Variants in CNBD1 observed in about 807,000 individuals in gnomAD.
The protein encoded by CNBD1 is cyclic nucleotide binding domain containing 1.
A neutral mutation model predicts 54.4 loss-of-function variants in CNBD1; 71 were observed. The observed-to-expected ratio is 1.30, with a 90% confidence interval of 1.08 to 1.59. The LOEUF (loss-of-function observed/expected upper bound fraction) is 1.59. Among genes scored for constraint, CNBD1 ranks in the 40% most tolerant of loss-of-function variants. The pLI is 0.00. For synonymous variants in CNBD1, 182 were observed against 170.7 expected (o/e 1.07, Z -0.51); for missense variants, 659 against 518.0 (o/e 1.27, Z -2.64).
Position 87,307,461 on chromosome 8 carries a change from C to T in CNBD1, c.1042+20790C>T, listed in dbSNP as rs140416017. On this transcript the variant is annotated intron_variant, in intron 8 of 10. Transcript: ENST00000518476. ...AGTGATCAGAACTTAGCAAGGGCTG[C>T]GTGCACTGGCTCATGCCTGTAATCC... is the stretch of plus-strand genomic sequence containing the variant. Among the ~76,000 whole-genome samples the T allele has an allele frequency of 1.4e-4, 21 of 152,246 alleles. No homozygotes were observed. The East Asian group carries it at 2.7e-3, about 20-fold the overall frequency.
chr8:87,285,013 A>G lies in CNBD1; in HGVS notation c.909+198A>G, dbSNP rs147634400. Among the ~76,000 whole-genome samples the G allele has an allele frequency of 1.3e-3, 195 of 152,242 alleles. 3 individuals carry two copies. Among genetic ancestry groups the G allele is most frequent in the African/African-American group, 4.3e-3 (177 of 41,554 alleles). On this transcript the variant is annotated intron_variant, in intron 7 of 10. Coordinates refer to ENST00000518476, the MANE Select transcript of CNBD1 (RefSeq NM_173538.3). ...AGGTGAGGTGTAAACAAAGGTCTCA[A>G]TGAATATATTTCAGGTAATTTTTAA...
At chr8:87,249,984 C>G (rs1490699072) in intron 6 of CNBD1, among the ~76,000 whole-genome samples, 4 of 152,092 alleles carry the variant, frequency 2.6e-5, no homozygotes, top group African/African-American at 9.7e-5. Context: ...GGGATCACAT[C>G]AAGCTAAAAA....
At chr8:86,937,570 T>G (rs1809571544) in intron 3 of CNBD1, among the ~76,000 whole-genome samples, 1 of 152,188 alleles carries the variant, frequency 6.6e-6, no homozygotes, top group African/African-American at 2.4e-5. Context: ...ACCTCAATTT[T>G]TGACTTCTGT....
chr8:86,941,524 C>A (rs1179266927), intron 4 of CNBD1, among the ~76,000 whole-genome samples: 2 of 152,064 alleles, frequency 1.3e-5, no homozygotes, highest in Admixed American at 6.5e-5. Context: ...TAATTCCTGT[C>A]TTTTTTACTA....
At chr8:87,000,278 C>G (rs1196861932) in intron 4 of CNBD1, among the ~76,000 whole-genome samples, 1 of 152,124 alleles carries the variant, frequency 6.6e-6, no homozygotes, top group East Asian at 1.9e-4. Context: ...CTTGTACACT[C>G]TCTGTAGGCT....
At chr8:87,221,503 A>C (rs1173049688) in intron 5 of CNBD1, among the ~76,000 whole-genome samples, 2 of 152,070 alleles carry the variant, frequency 1.3e-5, no homozygotes, top group Non-Finnish European at 2.9e-5. Context: ...CATATCTGTC[A>C]ATCAAAATTG....
chr8:87,092,730 G>A (rs1373267004), intron 4 of CNBD1, among the ~76,000 whole-genome samples: 2 of 151,608 alleles, frequency 1.3e-5, no homozygotes. Context: ...TTTTTGCTAG[G>A]TCACCAATGA....
chr8:87,047,718 T>G (rs1254408170), intron 4 of CNBD1, among the ~76,000 whole-genome samples: 1 of 152,210 alleles, frequency 6.6e-6, no homozygotes, highest in Non-Finnish European at 1.5e-5. Flanking sequence ...ATGATTTCCA[T>G]CTGAGTTTCT....
At chr8:86,937,122 A>G (rs983142018) in intron 3 of CNBD1, among the ~76,000 whole-genome samples, 3 of 152,200 alleles carry the variant, frequency 2.0e-5, no homozygotes, top group Non-Finnish European at 4.4e-5. Flanking sequence ...AGGACTCACA[A>G]TCATGGTAGA....
intron 2 of CNBD1, among the ~76,000 whole-genome samples, chr8:87,410,034 GAATT>G (rs1433822464): frequency 6.6e-6 from 1 of 151,388 alleles, no homozygotes; most frequent in Non-Finnish European, 1.5e-5. Context: ...AAAAAAAAAA[GAATT>G]AAGTTAAATT....
intron 4 of CNBD1, among the ~76,000 whole-genome samples, chr8:87,138,978 C>T (rs1286296229): frequency 6.6e-6 from 1 of 152,160 alleles, no homozygotes; most frequent in Non-Finnish European, 1.5e-5. Flanking sequence ...ATTTGAATAA[C>T]AATTTTTAAA....
intron 1 of CNBD1, among the ~76,000 whole-genome samples, chr8:86,882,307 A>T (rs540727516): frequency 1.6e-4 from 25 of 152,326 alleles, no homozygotes; most frequent in African/African-American, 6.0e-4. Context: ...AGCATCTATA[A>T]GGAACTTAAA....
chr8:87,313,168 G>C (rs1174532061), intron 8 of CNBD1, among the ~76,000 whole-genome samples: 1 of 152,000 alleles, frequency 6.6e-6, no homozygotes, highest in Non-Finnish European at 1.5e-5. Context: ...TATTGAACTT[G>C]AAAAGGTTTG....
chr8:86,978,176 A>T (rs1425677997), intron 4 of CNBD1, among the ~76,000 whole-genome samples: 1 of 152,078 alleles, frequency 6.6e-6, no homozygotes, highest in Non-Finnish European at 1.5e-5. Flanking sequence ...GCTTTTTCTT[A>T]TATTTTAGTA....
intron 4 of CNBD1, among the ~76,000 whole-genome samples, chr8:87,048,885 C>T (rs950875650): frequency 3.9e-5 from 6 of 152,076 alleles, no homozygotes; most frequent in African/African-American, 1.4e-4. Context: ...AGTAGGTTTT[C>T]CCCCCAAAAC....
chr8:87,104,177 T>C (rs1219236866), intron 4 of CNBD1, among the ~76,000 whole-genome samples: 1 of 152,110 alleles, frequency 6.6e-6, no homozygotes, highest in East Asian at 1.9e-4. Context: ...AAAAAGCTAA[T>C]AAGAATATAA....
At chr8:86,906,486 G>A (rs1414680347) in intron 3 of CNBD1, among the ~76,000 whole-genome samples, 1 of 51,082 alleles carries the variant, frequency 2.0e-5, no homozygotes, top group Non-Finnish European at 3.7e-5. Context: ...ATCCCTAGAT[G>A]TACATACATC....
chr8:86,868,323 GTATT>G (rs561217445), intron 1 of CNBD1, among the ~76,000 whole-genome samples: 9 of 152,130 alleles, frequency 5.9e-5, no homozygotes, highest in African/African-American at 1.2e-4. Flanking sequence ...TTCTCTGTAA[GTATT>G]TATTTATTTA....
Position 86,887,457 on chromosome 8 carries a change from G to T in CNBD1, c.89-85G>T, listed in dbSNP as rs1004199108. 2.2e-5 allele frequency: 18 copies of T among 808,524 alleles called. No individual in the cohort carries two copies. The African/African-American group carries it at 2.9e-4, about 13-fold the overall frequency. The allele number at this position is 808,524 out of a possible 1,614,324, so 50.1% of individuals were successfully genotyped here. A position where few individuals can be genotyped will look rare whatever the true frequency, so the allele number is the denominator to read the frequency against. On this transcript the variant is annotated intron_variant, in intron 1 of 10. Coordinates refer to ENST00000518476, the MANE Select transcript of CNBD1 (RefSeq NM_173538.3). ...AGTCACTGAATTCTTTCACTATGATGAATGTTTGCAATTAAACTCTATTTA... is the reference window on the plus strand; with the variant it reads ...AGTCACTGAATTCTTTCACTATGATTAATGTTTGCAATTAAACTCTATTTA...
Sources: allele counts gnomAD v4.1 joint callset (sites outside exome capture counted in the v4.1 genomes callset), GRCh38; gene constraint gnomAD v4.1.1; transcripts MANE v1.5; gene names NCBI Gene and HGNC (gene_info 2026-07-23, HGNC 2026-07-21).